DTNA: variants seen among roughly 807,000 people sequenced by gnomAD.
The protein encoded by DTNA is dystrophin-related protein 3.
In DTNA, 43 loss-of-function variants were observed where a neutral mutation model predicts 100.7. The ratio of observed to expected loss-of-function variants is 0.43; its 90% CI spans 0.33 to 0.55. The LOEUF (loss-of-function observed/expected upper bound fraction) is 0.55, where lower values mean the gene tolerates loss of function less well. Among genes scored for constraint, DTNA ranks in the 20% least tolerant of loss-of-function variants. The pLI is 0.04. For synonymous variants in DTNA, 349 were observed against 347.9 expected (o/e 1.00, Z -0.04); for missense variants, 798 against 953.9 (o/e 0.84, Z 2.15).
chr18:34,557,505 A>C lies in DTNA; in HGVS notation c.-2+63991A>C, dbSNP rs990276385. On this transcript the variant is annotated intron_variant, in intron 1 of 19. Transcript: ENST00000283365. ...TTTCCCCATCTTTGTGGTTTTATCT[A>C]CTTTTGGTCTTTGATGATGGTGATG... Among the ~76,000 whole-genome samples, 356 of 151,382 alleles carry C rather than the reference A, an allele frequency of 2.4e-3. 2 individuals carry two copies. The highest frequency in any genetic ancestry group is 8.2e-3 in the African/African-American group (339 of 41,208).
chr18:34,699,190 C>A (rs1219502106), intron 1 of DTNA, among the ~76,000 whole-genome samples: 2 of 151,492 alleles, frequency 1.3e-5, no homozygotes, highest in African/African-American at 4.9e-5. Context: ...TCTATAAAAC[C>A]ATGTATTATA....
intron 1 of DTNA, among the ~76,000 whole-genome samples, chr18:34,614,225 G>T (rs1284336217): frequency 6.6e-6 from 1 of 152,140 alleles, no homozygotes; most frequent in Non-Finnish European, 1.5e-5. Flanking sequence ...CTGCTAAAAA[G>T]AAAAAGATAA....
intron 3 of DTNA, among the ~76,000 whole-genome samples, chr18:34,781,144 C>T (rs1158813664): frequency 6.6e-6 from 1 of 152,088 alleles, no homozygotes; most frequent in African/African-American, 2.4e-5. Flanking sequence ...AGAGGCAGGG[C>T]CAAGAGGATT....
chr18:34,497,580 A>G (rs756713615), intron 1 of DTNA, among the ~76,000 whole-genome samples: 6 of 152,184 alleles, frequency 3.9e-5, no homozygotes, highest in East Asian at 1.9e-4. Flanking sequence ...ATTTCATACT[A>G]TTAAATATTG....
chr18:34,844,827 T>A (rs2149811859), intron 13 of DTNA, among the ~76,000 whole-genome samples: 1 of 152,286 alleles, frequency 6.6e-6, no homozygotes, highest in South Asian at 2.1e-4. Flanking sequence ...CAAAAATCTT[T>A]GCTAAATCAC....
chr18:34,595,394 C>CA (rs1202348390), intron 1 of DTNA, among the ~76,000 whole-genome samples: 2 of 150,454 alleles, frequency 1.3e-5, no homozygotes, highest in East Asian at 3.9e-4. Context: ...AAAAAAAACA[C>CA]AAAAAAGAAC....
chr18:34,582,202 T>G (rs948214297), intron 1 of DTNA, among the ~76,000 whole-genome samples: 4 of 152,130 alleles, frequency 2.6e-5, no homozygotes. Flanking sequence ...CACTAAGGTG[T>G]GTGTGAACAC....
rs775886230 is a variant in DTNA, at chr18:34,818,256, C to G, written c.802C>G (p.Gln268Glu). ...CQQCHNYQLC[Q>E]DCFWRGHAGG... ...ACAGTGTCACAATTACCAGCTCTGT[C>G]AGGACTGCTTCTGGAGGGGACATGC... The change falls in exon 8 of 23, where the codon CAG becomes GAG. Residue 268 changes from glutamine to glutamate, a missense_variant. By Grantham distance (29) the Gln-to-Glu change is conservative. Coordinates refer to ENST00000444659, the MANE Select transcript of DTNA (RefSeq NM_001386795.1). 1 of 1,613,950 alleles carries G rather than the reference C, an allele frequency of 6.2e-7. No individual in the cohort carries two copies. Among genetic ancestry groups the G allele is most frequent in the Non-Finnish European group, 8.5e-7 (1 of 1,179,970 alleles).
chr18:34,741,087 A>G (rs981738369), intron 1 of DTNA, among the ~76,000 whole-genome samples: 2 of 152,146 alleles, frequency 1.3e-5, no homozygotes, highest in Admixed American at 1.3e-4. Context: ...TTTCTACATA[A>G]TCGTATTGTA....
intron 1 of DTNA, among the ~76,000 whole-genome samples, chr18:34,597,330 G>T (rs2050837206): frequency 6.6e-6 from 1 of 152,046 alleles, no homozygotes; most frequent in Non-Finnish European, 1.5e-5. Flanking sequence ...CCTATATCCA[G>T]TACTAAGACA....
chr18:34,827,477 C>T, intron 9 of DTNA, 116 bp from the exon 10 acceptor site: 2 of 911,236 alleles, frequency 2.2e-6, no homozygotes, highest in Non-Finnish European at 3.7e-6. Context: ...CTTGTTGATC[C>T]TGGGAAAGGT....
At chr18:34,886,113 G>A (rs972226289) in intron 22 of DTNA, among the ~76,000 whole-genome samples, 2 of 152,188 alleles carry the variant, frequency 1.3e-5, no homozygotes, top group African/African-American at 4.8e-5. Context: ...ATCAATGTTG[G>A]TTGCTATTAA....
At chr18:34,733,846 A>G (rs2088897508) in intron 1 of DTNA, among the ~76,000 whole-genome samples, 1 of 152,144 alleles carries the variant, frequency 6.6e-6, no homozygotes, top group African/African-American at 2.4e-5. Flanking sequence ...CTTTTAATCC[A>G]TATTTCAGCT....
At chr18:34,794,731 G>C (rs966429705) in intron 4 of DTNA, among the ~76,000 whole-genome samples, 2 of 152,160 alleles carry the variant, frequency 1.3e-5, no homozygotes, top group African/African-American at 2.4e-5. Flanking sequence ...TAAATGGACT[G>C]GTCAATTTAA....
chr18:34,788,784 G>A (rs932201021), intron 3 of DTNA, among the ~76,000 whole-genome samples: 6 of 152,114 alleles, frequency 3.9e-5, no homozygotes, highest in East Asian at 1.9e-4. Context: ...CACATAATAC[G>A]TCATCAAGAT....
At chr18:34,782,517 C>G (rs568978737) in intron 3 of DTNA, among the ~76,000 whole-genome samples, 1 of 152,092 alleles carries the variant, frequency 6.6e-6, no homozygotes, top group East Asian at 1.9e-4. Flanking sequence ...CTGGGAGCAA[C>G]AAAAGGGAGA....
chr18:34,643,798 A>G (rs925657513), intron 1 of DTNA, among the ~76,000 whole-genome samples: 1 of 152,228 alleles, frequency 6.6e-6, no homozygotes, highest in Non-Finnish European at 1.5e-5. Flanking sequence ...AATTATCATT[A>G]TGTAATTCAC....
chr18:34,521,004 A>C (rs911969418), intron 1 of DTNA, among the ~76,000 whole-genome samples: 1 of 152,236 alleles, frequency 6.6e-6, no homozygotes, highest in Non-Finnish European at 1.5e-5. Flanking sequence ...GCCATCACTT[A>C]TTGAGCATTC....
chr18:34,533,535 A>G lies in DTNA; in HGVS notation c.-2+40021A>G, dbSNP rs75752148. ...TGTAACTGGAACTAGAGGCAACCAT[A>G]TGGCAAAAACGACATTTTAGTATGC... On this transcript the variant is annotated intron_variant, in intron 1 of 19. Coordinates refer to the DTNA transcript ENST00000283365. 2.9e-3 allele frequency among the ~76,000 whole-genome samples: 441 copies of G among 152,248 alleles called. 2 individuals are homozygous for G. The highest frequency in any genetic ancestry group is 0.01 in the African/African-American group (419 of 41,558).
Sources: gnomAD v4.1 joint callset for allele counts (sites outside exome capture counted in the v4.1 genomes callset) on GRCh38, gnomAD v4.1.1 for gene constraint, MANE v1.5 for transcripts, NCBI Gene and HGNC (gene_info 2026-07-23, HGNC 2026-07-21) for gene names.